The following PCDH15 variants were observed in gnomAD, a reference collection of about 807,000 sequenced individuals.
The protein encoded by PCDH15 is protocadherin-15.
A neutral mutation model predicts 178.5 loss-of-function variants in PCDH15; 129 were observed. The observed-to-expected ratio is 0.72, with a 90% CI of 0.63 to 0.84. The LOEUF (loss-of-function observed/expected upper bound fraction) is 0.84, where lower values mean the gene tolerates loss of function less well. Ranked by LOEUF, PCDH15 falls within the 40% of genes least tolerant of loss-of-function variation. PCDH15 has a pLI of 0.00. For synonymous variants in PCDH15, 800 were observed against 732.0 expected (o/e 1.09, Z -1.50); for missense variants, 2,230 against 2,099.9 (o/e 1.06, Z -1.21).
At chr10:55,007,548 G>T (rs1167198274) in intron 2 of PCDH15, among the ~76,000 whole-genome samples, 1 of 151,968 alleles carries the variant, frequency 6.6e-6, no homozygotes, top group Admixed American at 6.6e-5. Flanking sequence ...CTAGAGGGTA[G>T]GTAGTAAATA....
At chr10:54,352,280 G>T (rs1944302124) in intron 5 of PCDH15, among the ~76,000 whole-genome samples, 1 of 152,086 alleles carries the variant, frequency 6.6e-6, no homozygotes, top group Admixed American at 6.6e-5. Context: ...AGAGTCCTAA[G>T]AAGAGAAAAC....
At chr10:55,085,049 C>G (rs11004730) in intron 2 of PCDH15, among the ~76,000 whole-genome samples, 2 of 151,760 alleles carry the variant, frequency 1.3e-5, no homozygotes, top group Non-Finnish European at 2.9e-5. Context: ...TAGATTTACC[C>G]TATGATCCAG....
In PCDH15 at chr10:54,741,925, T is replaced by C. The variant is rs560137642; in HGVS notation, c.-29+59000A>G. 6.6e-5 allele frequency among the ~76,000 whole-genome samples: 10 copies of C among 152,144 alleles called. No homozygotes were observed. The South Asian group carries it at 2.1e-3, about 32-fold the overall frequency. On this transcript the variant is annotated intron_variant, in intron 1 of 37. Transcript: ENST00000644397. ...TCAATCTTCAACTTTAATTCCCACTTACCATGGGCTATAACATATTCAACA... is the reference window on the plus strand; with the variant it reads ...TCAATCTTCAACTTTAATTCCCACTCACCATGGGCTATAACATATTCAACA...
intron 2 of PCDH15, among the ~76,000 whole-genome samples, chr10:55,336,290 G>A (rs889253978): frequency 2.0e-5 from 3 of 152,048 alleles, no homozygotes; most frequent in Non-Finnish European, 4.4e-5. Context: ...AAGAGGTCAA[G>A]GGATTGAGAC....
chr10:54,851,988 T>C (rs932887150), intron 3 of PCDH15, among the ~76,000 whole-genome samples: 2 of 152,218 alleles, frequency 1.3e-5, no homozygotes, highest in African/African-American at 4.8e-5. Context: ...TATACTGAGC[T>C]AATCCCCTAT....
At chr10:55,621,594 T>C (rs1837389136) in intron 2 of PCDH15, among the ~76,000 whole-genome samples, 1 of 152,166 alleles carries the variant, frequency 6.6e-6, no homozygotes, top group Non-Finnish European at 1.5e-5. Context: ...TAGCTGCGCA[T>C]GTGAGGGATA....
intron 2 of PCDH15, among the ~76,000 whole-genome samples, chr10:55,023,829 ACACT>A: frequency 6.6e-6 from 1 of 150,824 alleles, no homozygotes; most frequent in Middle Eastern, 3.5e-3. Flanking sequence ...ATATACACAC[ACACT>A]CATATATATA....
chr10:54,023,926 A>T (rs2093005565), intron 18 of PCDH15, among the ~76,000 whole-genome samples: 1 of 152,038 alleles, frequency 6.6e-6, no homozygotes, highest in South Asian at 2.1e-4. Flanking sequence ...ATTAATGAAC[A>T]TTAGATGAAA....
intron 3 of PCDH15, among the ~76,000 whole-genome samples, chr10:54,512,755 AT>A (rs1565465076): frequency 6.6e-6 from 1 of 152,086 alleles, no homozygotes; most frequent in Non-Finnish European, 1.5e-5. Context: ...TGAAAGTATA[AT>A]TTGACTTTCC....
chr10:54,123,876 C>T (rs1352831842), intron 15 of PCDH15, among the ~76,000 whole-genome samples: 1 of 152,130 alleles, frequency 6.6e-6, no homozygotes, highest in Non-Finnish European at 1.5e-5. Flanking sequence ...TGGAGGCCAT[C>T]ATCCTAATTG....
chr10:54,637,222 G>GATAT (rs1480264318), intron 2 of PCDH15, among the ~76,000 whole-genome samples: 5 of 151,518 alleles, frequency 3.3e-5, no homozygotes, highest in Admixed American at 2.6e-4. Context: ...TATTTTGATA[G>GATAT]ATATATGAGT....
intron 13 of PCDH15, among the ~76,000 whole-genome samples, chr10:54,158,105 T>A (rs561633363): frequency 1.3e-5 from 2 of 152,310 alleles, no homozygotes; most frequent in African/African-American, 4.8e-5. Flanking sequence ...AACCTCTGCC[T>A]GTTACTCAGT....
At chr10:55,521,157 A>G (rs73253111) in intron 2 of PCDH15, among the ~76,000 whole-genome samples, 1,650 of 152,076 alleles carry the variant, frequency 0.011, 35 homozygotes, top group African/African-American at 0.038. Flanking sequence ...TTCACATAGA[A>G]GTGAGATCAT....
chr10:54,052,554 T>C lies in PCDH15; in HGVS notation c.2220+14203A>G, dbSNP rs78532376. On this transcript the variant is annotated intron_variant, in intron 18 of 37. Transcript: ENST00000644397. Reference sequence around the variant, plus strand: ...TGTTTATCCTACGCCTGTACCCTCATTGTATCTAGGAAGTAGTAACTTTTA... The same window carrying C: ...TGTTTATCCTACGCCTGTACCCTCACTGTATCTAGGAAGTAGTAACTTTTA... Among the ~76,000 whole-genome samples, 37 of 152,312 alleles carry C rather than the reference T, an allele frequency of 2.4e-4. No individual in the cohort carries two copies. The East Asian group carries it at 7.0e-3, about 29-fold the overall frequency.
At chr10:55,019,956 C>A (rs1031349506) in intron 2 of PCDH15, among the ~76,000 whole-genome samples, 4 of 151,662 alleles carry the variant, frequency 2.6e-5, no homozygotes, top group Admixed American at 2.6e-4. Context: ...TACTCTTGAA[C>A]CCCCAGCCAA....
At chr10:54,645,678 C>A (rs1459561836) in intron 2 of PCDH15, among the ~76,000 whole-genome samples, 1 of 151,704 alleles carries the variant, frequency 6.6e-6, no homozygotes, top group Admixed American at 6.6e-5. Flanking sequence ...AAGAAGTGGC[C>A]AATATATTGT....
At chr10:55,558,588 T>G (rs1398613908) in intron 2 of PCDH15, among the ~76,000 whole-genome samples, 1 of 152,172 alleles carries the variant, frequency 6.6e-6, no homozygotes, top group Non-Finnish European at 1.5e-5. Context: ...ATAATGCCTA[T>G]GCATACAATT....
chr10:54,649,295 T>A (rs2094202376), intron 2 of PCDH15, among the ~76,000 whole-genome samples: 1 of 152,200 alleles, frequency 6.6e-6, no homozygotes, highest in Admixed American at 6.5e-5. Flanking sequence ...AATACTAATT[T>A]GATCTGTAAT....
intron 1 of PCDH15, among the ~76,000 whole-genome samples, chr10:54,768,754 G>A (rs1948778050): frequency 1.3e-5 from 2 of 152,044 alleles, no homozygotes; most frequent in African/African-American, 4.8e-5. Context: ...TGAAACCCAA[G>A]TGCCTTACAT....
Sources: gnomAD v4.1 joint callset for allele counts (sites outside exome capture counted in the v4.1 genomes callset) on GRCh38, gnomAD v4.1.1 for gene constraint, MANE v1.5 for transcripts, NCBI Gene and HGNC (gene_info 2026-07-23, HGNC 2026-07-21) for gene names.